The following CRISPLD1 variants were observed in gnomAD, a reference collection of about 807,000 sequenced individuals.
The protein encoded by CRISPLD1 is cysteine rich secretory protein LCCL domain containing 1.
Under a neutral mutation model 77.5 loss-of-function variants are expected in CRISPLD1, and 60 were observed. The ratio of observed to expected loss-of-function variants is 0.77; its 90% confidence interval spans 0.63 to 0.96. The LOEUF (loss-of-function observed/expected upper bound fraction) is 0.96, where lower values mean the gene tolerates loss of function less well. Ranked by LOEUF, CRISPLD1 falls within the 40% of genes least tolerant of loss-of-function variation. The pLI is 0.00. For synonymous variants in CRISPLD1, 195 were observed against 200.1 expected (o/e 0.97, Z 0.22); for missense variants, 623 against 615.8 (o/e 1.01, Z -0.12).
intron 2 of CRISPLD1, among the ~76,000 whole-genome samples, chr8:74,992,908 T>TTG (rs199550524): frequency 0.033 from 4,701 of 143,250 alleles, 71 homozygotes; most frequent in African/African-American, 0.035. Context: ...AATTATGGTT[T>TTG]TTTTTTTTTT....
rs768307618 is a variant in CRISPLD1, at chr8:75,029,393, A to G, written c.1327A>G (p.Ser443Gly). The change falls in exon 14 of 15, where the codon AGT becomes GGT. Residue 443 changes from serine (S) to glycine (G), a missense_variant. Transcript: ENST00000262207. ...TGTTTCTTTACCTTCTCAGCTGTCC[A>G]GTATCTGCAGAGCAGCAGTACATGC... The part of the protein sequence containing the change: ...IGTRVYSDLS[S>G]ICRAAVHAGV... 1.9e-6 allele frequency: 3 copies of G among 1,612,218 alleles called. No individual in the cohort carries two copies. The highest frequency in any genetic ancestry group is 4.5e-5 in the East Asian group (2 of 44,810).
At chr8:75,030,759 T>C (rs1199370135) in intron 14 of CRISPLD1, among the ~76,000 whole-genome samples, 1 of 134,380 alleles carries the variant, frequency 7.4e-6, no homozygotes, top group Non-Finnish European at 1.7e-5. Flanking sequence ...TGTATATATG[T>C]GTGTATATGT....
rs1813373481 is a variant in CRISPLD1 at position 75,032,723 on chromosome 8, C to CTT, written c.*482_*483dup. 6.6e-6 allele frequency: 1 copy of CTT among 152,016 alleles called. No homozygotes were observed. The highest frequency in any genetic ancestry group is 6.6e-5 in the Admixed American group (1 of 15,240). The allele number at this position is 152,016 out of a possible 1,614,324, so 9.4% of individuals were successfully genotyped here. ...CCAAATAATCTCAAATAATTTTCCA[C>CTT]TTAATAACTGTAAAGTTTTTTTCTG... On this transcript the variant is annotated 3_prime_UTR_variant, in exon 15 of 15. Transcript: ENST00000262207.
rs763272270 is a variant in CRISPLD1 at position 75,017,032 on chromosome 8, A to G, written c.930-15A>G. On this transcript the variant is annotated splice_polypyrimidine_tract_variant and intron_variant, in intron 8 of 14. Coordinates refer to ENST00000262207, the MANE Select transcript of CRISPLD1 (RefSeq NM_031461.6). Reference sequence around the variant, plus strand: ...TCAGAGAAACTAAATTTTGTGCCCAATTACTTTTATTTAGGTACGAATGTC... The same window carrying G: ...TCAGAGAAACTAAATTTTGTGCCCAGTTACTTTTATTTAGGTACGAATGTC... 98 of 1,607,106 alleles carry G rather than the reference A, an allele frequency of 6.1e-5. No individual in the cohort carries two copies. Among genetic ancestry groups the G allele is most frequent in the Non-Finnish European group, 7.8e-5 (92 of 1,176,258 alleles).
intron 2 of CRISPLD1, among the ~76,000 whole-genome samples, chr8:74,986,492 A>G (rs966701995): frequency 2.0e-5 from 3 of 152,222 alleles, no homozygotes; most frequent in African/African-American, 7.2e-5. Context: ...TTCTACTCTC[A>G]CCAGGAAGGT....
intron 2 of CRISPLD1, among the ~76,000 whole-genome samples, chr8:74,994,521 C>CTCTGGTCACCCATT (rs1221230637): frequency 5.9e-5 from 9 of 152,148 alleles, no homozygotes; most frequent in Non-Finnish European, 1.2e-4. Context: ...TTCCAGAAAT[C>CTCTGGTCACCCATT]TCTGGTCACC....
At position 75,033,821 on chromosome 8, in the gene CRISPLD1, T is replaced by G. The variant is rs1813396462; in HGVS notation, c.*1579T>G. The stretch of plus-strand genomic sequence containing the variant: ...CTAAGTGGTTCCAAATACTGGTAAT[T>G]AAAACAATGATGTATACGTTAAAGA... On this transcript the variant is annotated 3_prime_UTR_variant, in exon 15 of 15. Coordinates refer to ENST00000262207, the MANE Select transcript of CRISPLD1 (RefSeq NM_031461.6). The G allele has an allele frequency of 1.4e-5, 2 of 148,092 alleles. No individual in the cohort carries two copies. The highest frequency in any genetic ancestry group is 3.0e-5 in the Non-Finnish European group (2 of 66,814). The allele number at this position is 148,092 out of a possible 1,614,324, so 9.2% of individuals were successfully genotyped here.
rs1813037449 is a variant in CRISPLD1 at position 75,016,800 on chromosome 8, A to AC, written c.869-81_869-80insC. 7.1e-6 allele frequency: 11 copies of AC among 1,542,928 alleles called. No homozygotes were observed. In the South Asian group the frequency reaches 1.3e-4, roughly 19 times the overall value. On this transcript the variant is annotated intron_variant, in intron 7 of 14. Transcript: ENST00000262207. ...ATTTGAACATTTTTAGAATGGAAAA[A>AC]ATTTTGTCATTAGGCTATATATAAT... is the stretch of plus-strand genomic sequence containing the variant.
intron 2 of CRISPLD1, among the ~76,000 whole-genome samples, chr8:75,009,924 A>ATT (rs1020157542): frequency 6.6e-6 from 1 of 152,130 alleles, no homozygotes; most frequent in African/African-American, 2.4e-5. Flanking sequence ...TCAAAGTTAA[A>ATT]TGGTAAAGTT....
intron 2 of CRISPLD1, among the ~76,000 whole-genome samples, chr8:74,995,597 C>T (rs1312687153): frequency 6.6e-6 from 1 of 152,170 alleles, no homozygotes; most frequent in Admixed American, 6.5e-5. Flanking sequence ...ACTTCAGCCT[C>T]CTGAGTAGCT....
intron 2 of CRISPLD1, among the ~76,000 whole-genome samples, chr8:75,010,630 A>C (rs1478760503): frequency 6.6e-6 from 1 of 152,020 alleles, no homozygotes; most frequent in African/African-American, 2.4e-5. Context: ...CACACTTGTT[A>C]CCCATTCTCT....
At chr8:75,030,809 T>C (rs1587034621) in intron 14 of CRISPLD1, among the ~76,000 whole-genome samples, 1 of 151,234 alleles carries the variant, frequency 6.6e-6, no homozygotes, top group African/African-American at 2.4e-5. Flanking sequence ...TATGCATATG[T>C]GTATGTGTAT....
chr8:75,015,345 T>C (rs1213880291), intron 6 of CRISPLD1, among the ~76,000 whole-genome samples: 1 of 152,174 alleles, frequency 6.6e-6, no homozygotes, highest in East Asian at 1.9e-4. Context: ...CAATGAATTA[T>C]GTTGATTTTT....
rs1159328937 is a variant in CRISPLD1 at position 75,012,441 on chromosome 8, T to A, written c.267T>A (p.Asp89Glu). 4.4e-6 allele frequency: 7 copies of A among 1,608,132 alleles called. No individual in the cohort carries two copies. The highest frequency in any genetic ancestry group is 5.1e-6 in the Non-Finnish European group (6 of 1,174,782). ...TASNMEYMTWDVELERSAESW... is the reference protein window; with the variant it reads ...TASNMEYMTWEVELERSAESW... ...TTTGTTTTAAACTGTAGACATGGGA[T>A]GTAGAGCTGGAAAGATCTGCAGAAT... is the stretch of plus-strand genomic sequence containing the variant. Residue 89 changes from aspartate to glutamate, a missense_variant, in exon 3 of 15, where the codon GAT (aspartate) becomes GAA (glutamate). Transcript: ENST00000262207.
intron 6 of CRISPLD1, 104 bp downstream of exon 6, chr8:75,015,016 A>T: frequency 1.7e-6 from 1 of 588,948 alleles, no homozygotes; most frequent in South Asian, 2.8e-5. Flanking sequence ...TGATCACACG[A>T]AAAGTATCTA....
Position 74,991,590 on chromosome 8 carries a change from G to A in CRISPLD1, c.258+5345G>A, listed in dbSNP as rs555409299. On this transcript the variant is annotated intron_variant, in intron 2 of 14. Transcript: ENST00000262207. ...CCTTGTGCTGGGCTGGAGCGCAATG[G>A]TACTGTCTCGGCTCACTGCAATGTC... Among the ~76,000 whole-genome samples, 5 of 152,296 alleles carry A rather than the reference G, an allele frequency of 3.3e-5. No homozygotes were observed. The South Asian group carries it at 8.3e-4, about 25-fold the overall frequency.
intron 1 of CRISPLD1, among the ~76,000 whole-genome samples, chr8:74,985,127 C>T (rs1812476035): frequency 6.6e-6 from 1 of 152,106 alleles, no homozygotes; most frequent in African/African-American, 2.4e-5. Flanking sequence ...GTTGGTTTCA[C>T]CTACTTTCTC....
In CRISPLD1 at chr8:74,990,871, C is replaced by T. The variant is rs182959060; in HGVS notation, c.258+4626C>T. Among the ~76,000 whole-genome samples, 689 of 152,146 alleles carry T rather than the reference C, an allele frequency of 4.5e-3. 2 individuals carry two copies. Among genetic ancestry groups the T allele is most frequent in the Non-Finnish European group, 7.9e-3 (536 of 67,988 alleles). On this transcript the variant is annotated intron_variant, in intron 2 of 14. Coordinates refer to ENST00000262207, the MANE Select transcript of CRISPLD1 (RefSeq NM_031461.6). ...ACAAACATCAATACACCATTACTTG[C>T]CAAATTGTGTAGGTTCTGTCTCAAA...
At chr8:75,030,163 A>G (rs1209185768) in intron 14 of CRISPLD1, among the ~76,000 whole-genome samples, 4 of 152,142 alleles carry the variant, frequency 2.6e-5, no homozygotes, top group Non-Finnish European at 4.4e-5. Flanking sequence ...AGTCCTATTT[A>G]TTTGTATATA....
Sources: allele counts gnomAD v4.1 joint callset (sites outside exome capture counted in the v4.1 genomes callset), GRCh38; gene constraint gnomAD v4.1.1; transcripts MANE v1.5; gene names NCBI Gene and HGNC (gene_info 2026-07-23, HGNC 2026-07-21).